RBFOX1: variants seen among roughly 807,000 people sequenced by gnomAD.
RBFOX1 encodes the protein RNA binding fox-1 homolog 1.
RBFOX1 carries 8 observed loss-of-function variants against 57.7 expected under a neutral mutation model. The ratio of observed to expected loss-of-function variants is 0.14; its 90% confidence interval spans 0.08 to 0.25. The LOEUF is 0.25. Ranked by LOEUF, RBFOX1 falls within the 10% of genes least tolerant of loss-of-function variation. RBFOX1 has a pLI of 1.00. For missense variants in RBFOX1, 611 were observed against 548.5 expected (o/e 1.11, Z -1.14); for synonymous variants, 326 against 222.4 (o/e 1.47, Z -4.15).
intron 1 of RBFOX1, among the ~76,000 whole-genome samples, chr16:5,425,070 TATC>T (rs2067509386): frequency 6.6e-4 from 42 of 63,458 alleles, no homozygotes; most frequent in Middle Eastern, 8.3e-3. Flanking sequence ...CTTTCTTATC[TATC>T]TATCTATCTA....
At chr16:7,259,567 A>AG (rs1217612099) in intron 4 of RBFOX1, among the ~76,000 whole-genome samples, 1 of 152,102 alleles carries the variant, frequency 6.6e-6, no homozygotes, top group Non-Finnish European at 1.5e-5. Context: ...CCAATGTAAA[A>AG]AAAAAAAGGA....
At chr16:7,380,579 A>G (rs2097768103) in intron 4 of RBFOX1, among the ~76,000 whole-genome samples, 2 of 152,226 alleles carry the variant, frequency 1.3e-5, no homozygotes, top group Non-Finnish European at 2.9e-5. Flanking sequence ...AAAAAACAAA[A>G]CAAAACAAAA....
At chr16:7,521,173 C>T (rs1567647645) in intron 5 of RBFOX1, among the ~76,000 whole-genome samples, 1 of 152,102 alleles carries the variant, frequency 6.6e-6, no homozygotes, top group Admixed American at 6.5e-5. Context: ...AGAGGGAATA[C>T]CACAGTCAGA....
intron 4 of RBFOX1, among the ~76,000 whole-genome samples, chr16:7,132,282 G>T (rs914237641): frequency 2.6e-5 from 4 of 151,982 alleles, no homozygotes; most frequent in Admixed American, 6.6e-5. Flanking sequence ...TGTCCGGCCA[G>T]AGTCCAAGTT....
chr16:5,390,096 G>C (rs1415530140), intron 1 of RBFOX1, among the ~76,000 whole-genome samples: 1 of 152,162 alleles, frequency 6.6e-6, no homozygotes, highest in African/African-American at 2.4e-5. Flanking sequence ...GAAATGCACA[G>C]ATAATCAGGG....
At chr16:5,977,286 G>C (rs8050300) in intron 4 of RBFOX1, among the ~76,000 whole-genome samples, 3,888 of 152,242 alleles carry the variant, frequency 0.026, 181 homozygotes, top group African/African-American at 0.089. Flanking sequence ...TGGAGGAGGT[G>C]TGTATCTTGG....
At chr16:7,352,943 T>C (rs2097153952) in intron 4 of RBFOX1, among the ~76,000 whole-genome samples, 2 of 152,118 alleles carry the variant, frequency 1.3e-5, no homozygotes, top group African/African-American at 4.8e-5. Context: ...ATCGAACTGC[T>C]AGGCTTCAGT....
intron 3 of RBFOX1, among the ~76,000 whole-genome samples, chr16:6,974,782 T>G (rs2086439074): frequency 6.6e-6 from 1 of 152,178 alleles, no homozygotes; most frequent in African/African-American, 2.4e-5. Flanking sequence ...CCCCTGTGTT[T>G]GCAAACCTTG....
At chr16:7,669,810 T>A (rs987834224) in intron 13 of RBFOX1, among the ~76,000 whole-genome samples, 2 of 152,188 alleles carry the variant, frequency 1.3e-5, no homozygotes, top group Non-Finnish European at 2.9e-5. Flanking sequence ...TCCTAGTCTT[T>A]CTTCCTGAGA....
chr16:7,232,250 C>T (rs1409448317), intron 4 of RBFOX1, among the ~76,000 whole-genome samples: 1 of 152,070 alleles, frequency 6.6e-6, no homozygotes, highest in Non-Finnish European at 1.5e-5. Flanking sequence ...TCATGAACTC[C>T]TGAAAACTGT....
chr16:7,483,914 G>A (rs201676124), intron 4 of RBFOX1, among the ~76,000 whole-genome samples: 1 of 152,218 alleles, frequency 6.6e-6, no homozygotes, highest in Non-Finnish European at 1.5e-5. Flanking sequence ...TGTACAGTTT[G>A]AATTTTGATG....
At chr16:6,199,569 C>T (rs2152826958) in intron 1 of RBFOX1, among the ~76,000 whole-genome samples, 1 of 152,188 alleles carries the variant, frequency 6.6e-6, no homozygotes, top group East Asian at 1.9e-4. Flanking sequence ...GCACATTGGA[C>T]CAAAGGTCTT....
intron 1 of RBFOX1, among the ~76,000 whole-genome samples, chr16:6,157,210 T>C (rs989995454): frequency 6.0e-4 from 92 of 152,180 alleles, no homozygotes; most frequent in African/African-American, 2.1e-3. Flanking sequence ...CCCTTTAAAG[T>C]GTACAAATAA....
intron 3 of RBFOX1, among the ~76,000 whole-genome samples, chr16:6,887,786 C>T (rs1275272371): frequency 3.3e-5 from 5 of 151,988 alleles, no homozygotes; most frequent in African/African-American, 9.7e-5. Context: ...CCTCAGCCTC[C>T]TGAGTAGCTG....
At chr16:7,015,897 G>A (rs181078131) in intron 3 of RBFOX1, among the ~76,000 whole-genome samples, 5 of 151,986 alleles carry the variant, frequency 3.3e-5, no homozygotes, top group South Asian at 4.2e-4. Context: ...GGTAAGCAAC[G>A]TGTTTCAGGG....
At chr16:5,768,167 G>A (rs958832228) in intron 3 of RBFOX1, among the ~76,000 whole-genome samples, 2 of 152,138 alleles carry the variant, frequency 1.3e-5, no homozygotes, top group Non-Finnish European at 2.9e-5. Context: ...GTGTGGCCGC[G>A]TGAGATATAT....
At chr16:5,709,188 A>G (rs1324255842) in intron 3 of RBFOX1, among the ~76,000 whole-genome samples, 1 of 152,134 alleles carries the variant, frequency 6.6e-6, no homozygotes, top group Non-Finnish European at 1.5e-5. Flanking sequence ...CTCCAGTGAG[A>G]GATAGATTAG....
In RBFOX1 at chr16:7,213,060, C is replaced by T. The variant is rs535497563; in HGVS notation, c.27+160962C>T. Among the ~76,000 whole-genome samples the T allele has an allele frequency of 3.3e-5, 5 of 152,164 alleles. No homozygotes were observed. In the East Asian group the frequency reaches 5.8e-4, roughly 18 times the overall value. On this transcript the variant is annotated intron_variant, in intron 4 of 15. Transcript: ENST00000550418. The stretch of plus-strand genomic sequence containing the variant: ...ATAGATGAGCAGAAGTAAATGAAAG[C>T]CAGAGATTGGAATAGGTTGCCAAGA...
chr16:5,845,410 A>G lies in RBFOX1; in HGVS notation c.319-21893A>G, dbSNP rs572530219. On this transcript the variant is annotated intron_variant, in intron 3 of 19. Coordinates refer to the RBFOX1 transcript ENST00000641259. ...GAGGTCCACATCCAGCCCAGGGAATATTGGTCTCCAGCCTTTCTTGAGTTT... is the reference window on the plus strand; with the variant it reads ...GAGGTCCACATCCAGCCCAGGGAATGTTGGTCTCCAGCCTTTCTTGAGTTT... Among the ~76,000 whole-genome samples, 27 of 152,246 alleles carry G rather than the reference A, an allele frequency of 1.8e-4. No individual in the cohort carries two copies. In the East Asian group the frequency reaches 5.2e-3, roughly 29 times the overall value.
Sources: allele counts gnomAD v4.1 joint callset (sites outside exome capture counted in the v4.1 genomes callset), GRCh38; gene constraint gnomAD v4.1.1; transcripts MANE v1.5; gene names NCBI Gene and HGNC (gene_info 2026-07-23, HGNC 2026-07-21).